NKD1: variants seen among roughly 807,000 people sequenced by gnomAD.
The protein encoded by NKD1 is protein naked cuticle homolog 1.
Under a neutral mutation model 56.0 loss-of-function variants are expected in NKD1, and 21 were observed. That is an observed-to-expected ratio of 0.38 (90% CI 0.27 to 0.54). NKD1 has a LOEUF of 0.54. Among genes scored for constraint, NKD1 ranks in the 20% least tolerant of loss-of-function variants. NKD1 has a pLI of 0.82. For missense variants in NKD1, 578 were observed against 642.7 expected (o/e 0.90, Z 1.09); for synonymous variants, 263 against 265.7 (o/e 0.99, Z 0.10).
In NKD1 at chr16:50,636,347, T is replaced by G. The variant is rs1962467979; in HGVS notation, c.*2566T>G. On this transcript the variant is annotated 3_prime_UTR_variant, in exon 10 of 10. Coordinates refer to ENST00000268459, the MANE Select transcript of NKD1 (RefSeq NM_033119.5). Reference sequence around the variant, plus strand: ...CACCTGTCAGGATTCTGTTACTTCTTGGTAACTGGGACTTGCCCAACTTTA... The same window carrying G: ...CACCTGTCAGGATTCTGTTACTTCTGGGTAACTGGGACTTGCCCAACTTTA... The G allele has an allele frequency of 6.6e-6, 1 of 152,238 alleles. No homozygotes were observed. The highest frequency in any genetic ancestry group is 2.4e-5 in the African/African-American group (1 of 41,450). 9.4% of individuals were successfully genotyped at this position (152,238 alleles called of 1,614,324 possible). A position where few individuals can be genotyped will look rare whatever the true frequency, so the allele number is the denominator to read the frequency against.
intron 3 of NKD1, chr16:50,571,353 C>T (rs555665044): frequency 3.2e-6 from 1 of 317,298 alleles, no homozygotes; most frequent in African/African-American, 2.3e-5. Context: ...GGACGAGCAG[C>T]TGGCCGCACA....
chr16:50,623,213 T>C lies in NKD1; in HGVS notation c.366+1505T>C, dbSNP rs16944802. Among the ~76,000 whole-genome samples the C allele has an allele frequency of 0.098, 14,879 of 151,454 alleles. 1,871 individuals are homozygous for C. Among genetic ancestry groups the C allele is most frequent in the African/African-American group, 0.29 (12,067 of 41,306 alleles). ...GGGGAGACGCCCTGTGTGCAGGGTC[T>C]CTGGTGACCGATCTTACCCCCTTTC... On this transcript the variant is annotated intron_variant, in intron 5 of 9. Coordinates refer to ENST00000268459, the MANE Select transcript of NKD1 (RefSeq NM_033119.5). The surrounding 1 kb of genome is among the most constrained non-coding windows in gnomAD (Gnocchi z 4.1).
chr16:50,590,580 T>C (rs1203850596), intron 3 of NKD1, among the ~76,000 whole-genome samples: 7 of 152,198 alleles, frequency 4.6e-5, no homozygotes, highest in African/African-American at 1.7e-4. Flanking sequence ...TGAGCTAATT[T>C]AATGCTCCCA....
At chr16:50,565,206 T>A (rs1204242740) in intron 3 of NKD1, among the ~76,000 whole-genome samples, 1 of 151,678 alleles carries the variant, frequency 6.6e-6, no homozygotes, top group African/African-American at 2.4e-5. Context: ...AAACCCCGTG[T>A]TTCCTTCACT....
In NKD1 at chr16:50,636,246, T is replaced by C. The variant is rs1009008020; in HGVS notation, c.*2465T>C. 9 of 152,142 alleles carry C rather than the reference T, an allele frequency of 5.9e-5. No homozygotes were observed. Among genetic ancestry groups the C allele is most frequent in the Admixed American group, 2.6e-4 (4 of 15,270 alleles). 9.4% of individuals were successfully genotyped at this position (152,142 alleles called of 1,614,324 possible). On this transcript the variant is annotated 3_prime_UTR_variant, in exon 10 of 10. Transcript: ENST00000268459. ...AAGTAATGGCATCCCAGGCCCCGAA[T>C]TGCTGCAACCCTGGAGGCCAGCCCG...
intron 3 of NKD1, chr16:50,556,005 A>G (rs1960495191): frequency 6.6e-6 from 1 of 151,886 alleles, no homozygotes; most frequent in Middle Eastern, 3.2e-3. Context: ...TCACAAACAA[A>G]ATATCTGCCA....
intron 4 of NKD1, among the ~76,000 whole-genome samples, chr16:50,619,269 C>T (rs983160772): frequency 4.0e-5 from 6 of 151,888 alleles, no homozygotes; most frequent in South Asian, 2.1e-4. Flanking sequence ...CTGGTTTCTC[C>T]GGTGGGGCAG....
chr16:50,595,640 A>G (rs901814694), intron 3 of NKD1, among the ~76,000 whole-genome samples: 5 of 152,194 alleles, frequency 3.3e-5, no homozygotes, highest in African/African-American at 1.2e-4. Context: ...AAAAACAGCA[A>G]TAGCTCACAC....
At chr16:50,562,125 CAGT>C (rs1960647284) in intron 3 of NKD1, 1 of 153,538 alleles carries the variant, frequency 6.5e-6, no homozygotes, top group South Asian at 2.1e-4. Context: ...TACAAGGTAA[CAGT>C]GGTGTGGACT....
At chr16:50,554,089 G>C (rs2151261910) in intron 3 of NKD1, 1 of 152,450 alleles carries the variant, frequency 6.6e-6, no homozygotes, top group Middle Eastern at 3.4e-3. Context: ...TCCTCACTTT[G>C]AGACTTTTCT....
At chr16:50,551,957 C>T (rs1355441120) in intron 3 of NKD1, 2 of 152,166 alleles carry the variant, frequency 1.3e-5, no homozygotes, top group Non-Finnish European at 2.9e-5. Context: ...GTTCATTTCC[C>T]TGATTCCCTC....
At chr16:50,559,898 C>G (rs1310209378) in intron 3 of NKD1, among the ~76,000 whole-genome samples, 1 of 152,140 alleles carries the variant, frequency 6.6e-6, no homozygotes, top group African/African-American at 2.4e-5. Context: ...GCCACAGCCT[C>G]CCTAATGGGC....
At chr16:50,606,006 T>C (rs971853632) in intron 3 of NKD1, 1 of 151,890 alleles carries the variant, frequency 6.6e-6, no homozygotes, top group African/African-American at 2.4e-5. Flanking sequence ...TCTAGGAACA[T>C]GCACGCTGCA....
At chr16:50,624,789 G>A (rs1182273440) in intron 5 of NKD1, among the ~76,000 whole-genome samples, 2 of 152,168 alleles carry the variant, frequency 1.3e-5, no homozygotes, top group Non-Finnish European at 2.9e-5. Flanking sequence ...CCCTTGTTCC[G>A]TTGCCTCTGG....
intron 3 of NKD1, chr16:50,570,688 A>T: frequency 3.4e-6 from 1 of 295,002 alleles, no homozygotes; most frequent in Non-Finnish European, 5.0e-6. Context: ...AGCAGGTGAT[A>T]CGTAGGACAG....
In NKD1 at chr16:50,632,232, C is replaced by A. The variant is rs1366905644; in HGVS notation, c.696-49C>A. 3.1e-6 allele frequency: 5 copies of A among 1,606,352 alleles called. No homozygotes were observed. The highest frequency in any genetic ancestry group is 4.3e-6 in the Non-Finnish European group (5 of 1,174,318). The stretch of plus-strand genomic sequence containing the variant: ...CTTCCTAGTAGCCTATGCGCTTGCC[C>A]CCACCTGGTGGTTGGTGTTATCCCA... On this transcript the variant is annotated intron_variant, in intron 8 of 9. Transcript: ENST00000268459. The surrounding 1 kb of genome is among the most constrained non-coding windows in gnomAD (Gnocchi z 4.1).
At chr16:50,622,965 TGGA>T (rs1962126724) in intron 5 of NKD1, among the ~76,000 whole-genome samples, 1 of 151,808 alleles carries the variant, frequency 6.6e-6, no homozygotes, top group East Asian at 2.0e-4. Context: ...GTGCGGTGCC[TGGA>T]GGAGGGAACA....
intron 3 of NKD1, among the ~76,000 whole-genome samples, chr16:50,573,448 C>T (rs1355347872): frequency 2.0e-5 from 3 of 152,250 alleles, no homozygotes; most frequent in Non-Finnish European, 4.4e-5. Context: ...TCCCCTTGAC[C>T]TGCCCTGCAG....
intron 4 of NKD1, among the ~76,000 whole-genome samples, chr16:50,615,412 G>A (rs999330647): frequency 2.6e-5 from 4 of 152,210 alleles, no homozygotes. Flanking sequence ...ATATAATGAT[G>A]GTGTAATAAG....
Sources: gnomAD v4.1 joint callset for allele counts (sites outside exome capture counted in the v4.1 genomes callset) on GRCh38, gnomAD v4.1.1 for gene constraint, Gnocchi (gnomAD v3.1) non-coding constraint, MANE v1.5 for transcripts, NCBI Gene and HGNC (gene_info 2026-07-23, HGNC 2026-07-21) for gene names.